The following NEB variants were observed in gnomAD, a reference collection of about 807,000 sequenced individuals.
NEB encodes nebulin.
A neutral mutation model predicts 952.2 loss-of-function variants in NEB; 512 were observed. The observed-to-expected ratio is 0.54, with a 90% CI of 0.50 to 0.58. The LOEUF is 0.58. Ranked by LOEUF, NEB falls within the 20% of genes least tolerant of loss-of-function variation. The pLI is 0.00. For synonymous variants in NEB, 2,900 were observed against 3,149.8 expected, an observed-to-expected ratio of 0.92 and a Z score of 2.66; for missense variants, 8,428 against 9,231.1, an observed-to-expected ratio of 0.91 and a Z score of 3.56.
chr2:151,650,069 T>C lies in NEB; in HGVS notation c.7431+107A>G, dbSNP rs144722317. ...TCCAATATAAAATTTTATGTGGTGA[T>C]GTATGAGGCAATGCTTTGTGGTTCT... On this transcript the variant is annotated intron_variant, in intron 54 of 181. Coordinates refer to ENST00000397345, the MANE Select transcript of NEB (RefSeq NM_001164508.2). 6.2e-6 allele frequency: 6 copies of C among 971,196 alleles called. No individual in the cohort carries two copies. The African/African-American group carries it at 9.7e-5, about 16-fold the overall frequency. The allele number at this position is 971,196 out of a possible 1,614,324, so 60.2% of individuals were successfully genotyped here. A position where few individuals can be genotyped will look rare whatever the true frequency, so the allele number is the denominator to read the frequency against.
At chr2:151,631,063 A>C (rs899312667) in intron 66 of NEB, 80 bp downstream of exon 66, 2 of 1,548,444 alleles carry the variant, frequency 1.3e-6, no homozygotes, top group Non-Finnish European at 1.8e-6. Context: ...GCCTTCATAG[A>C]TAATTTAGAC....
chr2:151,630,643 G>T, intron 67 of NEB, 72 bp downstream of exon 67: 2 of 1,226,162 alleles, frequency 1.6e-6, no homozygotes, highest in Non-Finnish European at 2.3e-6. Context: ...GACAGCTGAG[G>T]CCCAAGAATC....
rs771050596 is a variant in NEB at position 151,531,824 on chromosome 2, G to T, written c.21490C>A (p.Arg7164Ser). The T allele has an allele frequency of 3.7e-6, 6 of 1,612,858 alleles. No homozygotes were observed. ...TSIVDTPEHL[R>S]TTKVNKQISD... Reference sequence around the variant, plus strand: ...ATTTGTTTGTTGACTTTTGTAGTACGCAGGTGTTCTGGAGTATCCACAATT... The same window carrying T: ...ATTTGTTTGTTGACTTTTGTAGTACTCAGGTGTTCTGGAGTATCCACAATT... The change falls in exon 144 of 182, where the codon CGT becomes AGT. Residue 7164 changes from arginine to serine, a missense_variant. Arg to Ser is a moderately radical substitution (Grantham distance 110). Coordinates refer to ENST00000397345, the MANE Select transcript of NEB (RefSeq NM_001164508.2).
intron 24 of NEB, chr2:151,689,379 A>T (rs955761710): frequency 2.7e-5 from 4 of 150,852 alleles, no homozygotes; most frequent in Non-Finnish European, 4.4e-5. Context: ...TAATTTTTTT[A>T]TTTTTTTGTA....
chr2:151,562,181 C>T lies in NEB; in HGVS notation c.18925G>A (p.Gly6309Ser). The change falls in exon 121 of 182, where the codon GGC becomes AGC. Residue 6309 changes from glycine (G) to serine (S), a missense_variant. Transcript: ENST00000397345. Reference protein sequence around the residue: ...VYKDDLNWLKGIGCYVWDTPQ... With the variant: ...VYKDDLNWLKSIGCYVWDTPQ... ...GTATCCCAAACGTAGCAACCAATGC[C>T]TTTCAACCAATTCAGGTCATCTTTA... The T allele has an allele frequency of 6.2e-7, 1 of 1,613,514 alleles. No individual in the cohort carries two copies. Among genetic ancestry groups the T allele is most frequent in the Non-Finnish European group, 8.5e-7 (1 of 1,179,502 alleles).
intron 153 of NEB, among the ~76,000 whole-genome samples, chr2:151,521,695 A>C (rs1391455489): frequency 6.6e-6 from 1 of 152,240 alleles, no homozygotes; most frequent in Non-Finnish European, 1.5e-5. Context: ...TTCAAGCAGC[A>C]ATCCCATTGA....
chr2:151,663,548 A>T lies in NEB; in HGVS notation c.5763T>A (p.Asp1921Glu), dbSNP rs750971367. 6.2e-7 allele frequency: 1 copy of T among 1,603,968 alleles called. No individual in the cohort carries two copies. Among genetic ancestry groups the T allele is most frequent in the Non-Finnish European group, 8.5e-7 (1 of 1,172,252 alleles). Residue 1921 changes from aspartate to glutamate, a missense_variant and splice_region_variant, in exon 45 of 182, where the codon GAT (aspartate) becomes GAA (glutamate). Asp to Glu is a conservative substitution (Grantham distance 45). Coordinates refer to ENST00000397345, the MANE Select transcript of NEB (RefSeq NM_001164508.2). ...LAKNMMQIQS[D>E]NQYKADYADF... ...CTCTGCAAATGTGGTTTTCACGTAC[A>T]TCACTTTGAATCTGCATCATATTTT...
chr2:151,645,195 A>G (rs1386461323), intron 55 of NEB, among the ~76,000 whole-genome samples: 1 of 152,222 alleles, frequency 6.6e-6, no homozygotes, highest in African/African-American at 2.4e-5. Context: ...ATGGATTATT[A>G]TTGAGGTGCT....
chr2:151,620,590 T>C (rs2098395083), intron 72 of NEB, among the ~76,000 whole-genome samples: 1 of 152,052 alleles, frequency 6.6e-6, no homozygotes, highest in Non-Finnish European at 1.5e-5. Flanking sequence ...TTAAGCCTGC[T>C]TCTTTTCTGG....
Position 151,570,173 on chromosome 2 carries a change from T to C in NEB, c.17338A>G (p.Met5780Val). ...SKNSQALVSD[M>V]DYRNYLHQWT... ...TGGTGCAGGTAATTGCGGTAATCCA[T>C]GTCACTGACCAGAGCCTGGGAATTT... The change falls in exon 109 of 182, where the codon ATG (methionine) becomes GTG (valine). Residue 5780 changes from methionine to valine, a missense_variant. By Grantham distance (21) the Met-to-Val change is conservative. Coordinates refer to ENST00000397345, the MANE Select transcript of NEB (RefSeq NM_001164508.2). The C allele has an allele frequency of 2.5e-6, 4 of 1,613,674 alleles. No homozygotes were observed. Among genetic ancestry groups the C allele is most frequent in the Non-Finnish European group, 3.4e-6 (4 of 1,179,764 alleles).
At position 151,614,490 on chromosome 2, in the gene NEB, G is replaced by A. The variant is rs373471062; in HGVS notation, c.11387C>T (p.Ala3796Val). 6.2e-7 allele frequency: 1 copy of A among 1,613,646 alleles called. No homozygotes were observed. Among genetic ancestry groups the A allele is most frequent in the African/African-American group, 1.3e-5 (1 of 74,866 alleles). Residue 3796 changes from alanine (A) to valine (V), a missense_variant, in exon 77 of 182, where the codon GCC becomes GTC. Ala to Val is a moderately conservative substitution (Grantham distance 64, BLOSUM62 0). This residue lies in a region of NEB where 1,772 missense variants were observed against 1,960.3 expected (regional missense o/e 0.90). Transcript: ENST00000397345. ...DPKMMWSIHV[A>V]KIQSDREYKK... ...GTACTCCCTGTCACTCTGGATCTTG[G>A]CCACATGGATGGACCACATCATCTT...
chr2:151,527,683 C>G, intron 146 of NEB, 98 bp from the exon 147 acceptor site: 1 of 812,718 alleles, frequency 1.2e-6, no homozygotes, highest in Non-Finnish European at 2.0e-6. Context: ...CAAAACATCT[C>G]AAATCATGAT....
intron 40 of NEB, among the ~76,000 whole-genome samples, chr2:151,666,603 G>T (rs1261286915): frequency 6.6e-6 from 1 of 151,864 alleles, no homozygotes; most frequent in East Asian, 1.9e-4. Flanking sequence ...CATTAAAAAT[G>T]GAATAATGGA....
intron 72 of NEB, 50 bp downstream of exon 72, chr2:151,620,869 T>C (rs934621408): frequency 1.4e-6 from 2 of 1,383,150 alleles, no homozygotes; most frequent in Admixed American, 1.9e-5. Flanking sequence ...AGCTGTATTC[T>C]GTGTGGCTGG....
At chr2:151,517,685 A>G (rs895818093) in intron 156 of NEB, among the ~76,000 whole-genome samples, 2 of 152,324 alleles carry the variant, frequency 1.3e-5, no homozygotes, top group South Asian at 2.1e-4. Context: ...CCTGTACAGC[A>G]TATTATTTTA....
At chr2:151,632,386 T>G (rs1227572305) in intron 65 of NEB, among the ~76,000 whole-genome samples, 2 of 151,486 alleles carry the variant, frequency 1.3e-5, no homozygotes, top group South Asian at 4.2e-4. Flanking sequence ...ATAGCAAGAA[T>G]GAAAACAGGA....
intron 124 of NEB, among the ~76,000 whole-genome samples, chr2:151,559,881 T>C (rs1034361944): frequency 2.0e-4 from 31 of 152,172 alleles, no homozygotes; most frequent in Non-Finnish European, 1.0e-4. Flanking sequence ...ATGGCATATG[T>C]ATACCTATGT....
At chr2:151,665,221 G>C in intron 42 of NEB, 112 bp downstream of exon 42, 6 of 997,162 alleles carry the variant, frequency 6.0e-6, no homozygotes, top group Non-Finnish European at 9.0e-6. Context: ...CCCACCACCG[G>C]CACGAAGACG....
At chr2:151,609,263 A>C (rs1417752600) in intron 81 of NEB, among the ~76,000 whole-genome samples, 1 of 152,164 alleles carries the variant, frequency 6.6e-6, no homozygotes, top group Non-Finnish European at 1.5e-5. Flanking sequence ...TGAAAAATAA[A>C]GCACATGGGG....
Sources: allele counts gnomAD v4.1 joint callset (sites outside exome capture counted in the v4.1 genomes callset), GRCh38; gene constraint gnomAD v4.1.1; regional missense constraint gnomAD v4.1.1; transcripts MANE v1.5; gene names NCBI Gene and HGNC (gene_info 2026-07-23, HGNC 2026-07-21).